The following APCDD1 variants were observed in gnomAD, a reference collection of about 807,000 sequenced individuals.
APCDD1 encodes protein APCDD1.
A neutral mutation model predicts 38.1 loss-of-function variants in APCDD1; 15 were observed. That is an observed-to-expected ratio of 0.39 (90% CI 0.26 to 0.61). The LOEUF is 0.61. Among genes scored for constraint, APCDD1 ranks in the 20% least tolerant of loss-of-function variants. APCDD1 has a pLI of 0.49. For missense variants in APCDD1, 647 were observed against 696.2 expected, an observed-to-expected ratio of 0.93 and a Z score of 0.79; for synonymous variants, 261 against 279.7, an observed-to-expected ratio of 0.93 and a Z score of 0.67.
At chr18:10,482,592 G>A (rs1361013956) in intron 3 of APCDD1, among the ~76,000 whole-genome samples, 2 of 152,210 alleles carry the variant, frequency 1.3e-5, no homozygotes, top group Non-Finnish European at 2.9e-5. Flanking sequence ...TGCACAGCTT[G>A]TGTCTGATAA....
At position 10,472,125 on chromosome 18, in the gene APCDD1, G is replaced by A; in HGVS notation, c.774+64G>A. The stretch of plus-strand genomic sequence containing the variant: ...AGTGGGTGATCCTTCTTAAAGGCTT[G>A]CCATGGGGGCTCTAGGGCACCCTTG... On this transcript the variant is annotated intron_variant, in intron 3 of 4. Transcript: ENST00000355285. This position sits in a 1 kb window ranked among gnomAD's most constrained non-coding sequence, Gnocchi z 6.6. The A allele has an allele frequency of 1.2e-6, 2 of 1,605,824 alleles. No homozygotes were observed. The highest frequency in any genetic ancestry group is 2.2e-5 in the South Asian group (2 of 90,850).
chr18:10,455,684 G>T (rs891948820), intron 1 of APCDD1, among the ~76,000 whole-genome samples: 11 of 152,132 alleles, frequency 7.2e-5, no homozygotes, highest in Admixed American at 6.5e-4. Context: ...GTCTCCCAAT[G>T]TGCACCCCAA....
intron 3 of APCDD1, among the ~76,000 whole-genome samples, chr18:10,482,346 T>A (rs2031159859): frequency 6.6e-6 from 1 of 151,970 alleles, no homozygotes; most frequent in Non-Finnish European, 1.5e-5. Flanking sequence ...AGCTGAAGGC[T>A]GGGGTTGGGG....
chr18:10,457,868 T>G (rs1320688171), intron 1 of APCDD1, among the ~76,000 whole-genome samples: 1 of 152,238 alleles, frequency 6.6e-6, no homozygotes, highest in Non-Finnish European at 1.5e-5. Context: ...TATTTAAGAC[T>G]GCAAATGTGG....
intron 3 of APCDD1, among the ~76,000 whole-genome samples, chr18:10,480,041 C>T (rs2031098841): frequency 6.6e-6 from 1 of 152,146 alleles, no homozygotes; most frequent in Non-Finnish European, 1.5e-5. Flanking sequence ...CAAGGAAACA[C>T]TTTCTGGTTC....
At chr18:10,460,347 G>A (rs1280185902) in intron 1 of APCDD1, among the ~76,000 whole-genome samples, 6 of 152,212 alleles carry the variant, frequency 3.9e-5, no homozygotes, top group South Asian at 2.1e-4. Context: ...CCAACGCGGC[G>A]AAACCCCGTC....
chr18:10,456,429 C>A (rs2030382917), intron 1 of APCDD1, among the ~76,000 whole-genome samples: 1 of 151,940 alleles, frequency 6.6e-6, no homozygotes, highest in African/African-American at 2.4e-5. Flanking sequence ...ACACAAGAAA[C>A]AAAAGAGAGA....
rs1425605707 is a variant in APCDD1, at chr18:10,454,702, G to T, written c.-280G>T. 2.0e-6 allele frequency: 2 copies of T among 984,166 alleles called. No homozygotes were observed. The highest frequency in any genetic ancestry group is 4.6e-5 in the South Asian group (1 of 21,626). The allele number at this position is 984,166 out of a possible 1,614,324, so 61.0% of individuals were successfully genotyped here. A position where few individuals can be genotyped will look rare whatever the true frequency, so the allele number is the denominator to read the frequency against. ...CTCAGAGCGGCGCACGCGGCGGCCG[G>T]GGCGGGACGCGGGGCCGGGCGCGGA... On this transcript the variant is annotated 5_prime_UTR_variant, in exon 1 of 5. Coordinates refer to ENST00000355285, the MANE Select transcript of APCDD1 (RefSeq NM_153000.5).
intron 3 of APCDD1, among the ~76,000 whole-genome samples, chr18:10,482,550 C>T (rs1430786707): frequency 6.6e-6 from 1 of 152,216 alleles, no homozygotes; most frequent in Non-Finnish European, 1.5e-5. Flanking sequence ...CTGGGCTCAC[C>T]TGTAGGTGGT....
intron 3 of APCDD1, among the ~76,000 whole-genome samples, chr18:10,483,400 C>G (rs1261951130): frequency 1.3e-5 from 2 of 152,258 alleles, no homozygotes; most frequent in East Asian, 3.8e-4. Flanking sequence ...CATCTCAATG[C>G]TGCAGCTCTT....
At chr18:10,486,496 G>C (rs573918923) in intron 4 of APCDD1, among the ~76,000 whole-genome samples, 1 of 152,312 alleles carries the variant, frequency 6.6e-6, no homozygotes, top group Non-Finnish European at 1.5e-5. Flanking sequence ...AGAGGTGTTA[G>C]TGACACCTCA....
chr18:10,479,078 C>T (rs1170747090), intron 3 of APCDD1, among the ~76,000 whole-genome samples: 1 of 152,186 alleles, frequency 6.6e-6, no homozygotes, highest in Non-Finnish European at 1.5e-5. Flanking sequence ...GTCTTGGCCT[C>T]AAAGGACTCG....
intron 1 of APCDD1, among the ~76,000 whole-genome samples, chr18:10,463,152 T>C (rs1443348128): frequency 6.6e-6 from 1 of 152,004 alleles, no homozygotes; most frequent in African/African-American, 2.4e-5. Context: ...CCCCCCATGC[T>C]TGAGTGTGCT....
At chr18:10,473,048 TAGCACGGTGGCTCTGTA>T (rs2030902449) in intron 3 of APCDD1, among the ~76,000 whole-genome samples, 1 of 152,206 alleles carries the variant, frequency 6.6e-6, no homozygotes, top group African/African-American at 2.4e-5. Context: ...GAACACTCTC[TAGCACGGTGGCTCTGTA>T]ACTGTGGAGC....
chr18:10,472,297 G>A lies in APCDD1; in HGVS notation c.774+236G>A, dbSNP rs749249370. ...AACTTGCTCTGTGACTTGGAACCTC[G>A]GTTATCCTACTGAAGTGGGTGGTGG... is the stretch of plus-strand genomic sequence containing the variant. On this transcript the variant is annotated intron_variant, in intron 3 of 4. Coordinates refer to ENST00000355285, the MANE Select transcript of APCDD1 (RefSeq NM_153000.5). The surrounding 1 kb of genome is among the most constrained non-coding windows in gnomAD (Gnocchi z 6.6). Among the ~76,000 whole-genome samples, 5 of 152,242 alleles carry A rather than the reference G, an allele frequency of 3.3e-5. No homozygotes were observed. The highest frequency in any genetic ancestry group is 1.9e-4 in the East Asian group (1 of 5,164).
At chr18:10,457,508 C>T (rs945219154) in intron 1 of APCDD1, among the ~76,000 whole-genome samples, 2 of 151,968 alleles carry the variant, frequency 1.3e-5, no homozygotes, top group African/African-American at 4.8e-5. Context: ...ATTTTTTTTC[C>T]TGATAAATAG....
intron 3 of APCDD1, among the ~76,000 whole-genome samples, chr18:10,474,783 G>A (rs2030952565): frequency 6.6e-6 from 1 of 152,168 alleles, no homozygotes; most frequent in Admixed American, 6.5e-5. Flanking sequence ...CTTCATTCCC[G>A]TCAATGTCCC....
intron 3 of APCDD1, among the ~76,000 whole-genome samples, chr18:10,483,787 G>GCTAC (rs2031190123): frequency 6.6e-6 from 1 of 152,238 alleles, no homozygotes; most frequent in African/African-American, 2.4e-5. Context: ...AGAACACTGA[G>GCTAC]CTACCAACTT....
intron 1 of APCDD1, among the ~76,000 whole-genome samples, chr18:10,461,288 C>G (rs183910550): frequency 1.2e-3 from 189 of 152,274 alleles, no homozygotes; most frequent in Middle Eastern, 3.4e-3. Context: ...TAATTTGTTT[C>G]TAACAGATGA....
Sources: allele counts gnomAD v4.1 joint callset (sites outside exome capture counted in the v4.1 genomes callset), GRCh38; gene constraint gnomAD v4.1.1; non-coding constraint Gnocchi (gnomAD v3.1); transcripts MANE v1.5; gene names NCBI Gene and HGNC (gene_info 2026-07-23, HGNC 2026-07-21).